Variants in RPS3A observed in about 807,000 individuals in gnomAD.
The protein encoded by RPS3A is ribosomal protein S3A.
In RPS3A, 1 loss-of-function variant was observed where a neutral mutation model predicts 26.4. The observed-to-expected ratio is 0.04, with a 90% CI of 0.01 to 0.18. RPS3A has a LOEUF of 0.18. Ranked by LOEUF, RPS3A falls within the 10% of genes least tolerant of loss-of-function variation. The pLI, the probability that RPS3A is intolerant of heterozygous loss-of-function variation, is 1.00. For synonymous variants in RPS3A, 97 were observed against 106.1 expected, an observed-to-expected ratio of 0.91 and a Z score of 0.53; for missense variants, 139 against 326.8, an observed-to-expected ratio of 0.43 and a Z score of 4.43.
chr4:151,099,770 G>T, intron 1 of RPS3A, 56 bp downstream of exon 1: 1 of 1,547,480 alleles, frequency 6.5e-7, no homozygotes, highest in Non-Finnish European at 8.8e-7. Flanking sequence ...GAATCGGCGG[G>T]CTGGTCCTAG....
chr4:151,104,164 T>TA lies in RPS3A; in HGVS notation c.564-12dup. On this transcript the variant is annotated splice_polypyrimidine_tract_variant and intron_variant, in intron 4 of 5. Coordinates refer to ENST00000274065, the MANE Select transcript of RPS3A (RefSeq NM_001006.5). ...GGACTTTTAGAAAAAAATTTACTGTTACTGGTTTGCAGGATTCCAGACAGC... is the reference window on the plus strand; with the variant it reads ...GGACTTTTAGAAAAAAATTTACTGTTAACTGGTTTGCAGGATTCCAGACAGC... 6.3e-7 allele frequency: 1 copy of TA among 1,596,450 alleles called. No homozygotes were observed. Among genetic ancestry groups the TA allele is most frequent in the Non-Finnish European group, 8.5e-7 (1 of 1,175,890 alleles).
At position 151,104,368 on chromosome 4, in the gene RPS3A, C is replaced by T. The variant is rs72965633; in HGVS notation, c.673+82C>T. 5,956 of 1,510,738 alleles carry T rather than the reference C, an allele frequency of 3.9e-3. 136 individuals are homozygous for T. In the African/African-American group the frequency reaches 0.057, roughly 15 times the overall value. The allele number at this position is 1,510,738 out of a possible 1,614,324, so 93.6% of individuals were successfully genotyped here. On this transcript the variant is annotated intron_variant, in intron 5 of 5. Transcript: ENST00000274065. The stretch of plus-strand genomic sequence containing the variant: ...GAGGAGTGTGGGGCCATATCATGGC[C>T]TTCTTTTTCTTCCTGTCATGCTTGC...
chr4:151,100,686 TA>T, intron 2 of RPS3A, 98 bp downstream of exon 2: 1 of 756,300 alleles, frequency 1.3e-6, no homozygotes, highest in South Asian at 1.6e-5. Context: ...TGGGAGACTT[TA>T]AGGAAATGTC....
At chr4:151,101,428 G>T (rs1169203272) in intron 3 of RPS3A, among the ~76,000 whole-genome samples, 1 of 152,148 alleles carries the variant, frequency 6.6e-6, no homozygotes, top group African/African-American at 2.4e-5. Flanking sequence ...TAGATTAGTG[G>T]TTTTTTGAGG....
chr4:151,102,638 AAGG>A (rs578129638), intron 3 of RPS3A: 23 of 508,736 alleles, frequency 4.5e-5, no homozygotes, highest in African/African-American at 7.7e-5. Flanking sequence ...GGAGGGTAGA[AAGG>A]AGGAGGGAGG....
intron 4 of RPS3A, 197 bp downstream of exon 4, chr4:151,103,276 G>A (rs1034155888): frequency 8.9e-5 from 98 of 1,098,202 alleles, no homozygotes; most frequent in Non-Finnish European, 1.1e-4. Context: ...TTGAGTCAGA[G>A]TCTTGCTCTG....
At chr4:151,103,641 C>T (rs1747228581) in intron 4 of RPS3A, 1 of 1,072,216 alleles carries the variant, frequency 9.3e-7, no homozygotes, top group Admixed American at 4.4e-5. Flanking sequence ...GTGGGATGTG[C>T]CTGGAGTCCC....
Position 151,102,938 on chromosome 4 carries a change from G to C in RPS3A, c.422G>C (p.Gly141Ala). ...TACTTGCTTCGTCTGTTCTGTGTTGGTTTTACTAAAAAACGCAACAATCAG... is the reference window on the plus strand; with the variant it reads ...TACTTGCTTCGTCTGTTCTGTGTTGCTTTTACTAAAAAACGCAACAATCAG... ...DGYLLRLFCV[G>A]FTKKRNNQIR... The change falls in exon 4 of 6, where the codon GGT becomes GCT. Residue 141 changes from glycine to alanine, a missense_variant. Gly to Ala is a moderately conservative substitution (Grantham distance 60). Transcript: ENST00000274065. The C allele has an allele frequency of 6.2e-7, 1 of 1,611,502 alleles. No homozygotes were observed. The highest frequency in any genetic ancestry group is 8.5e-7 in the Non-Finnish European group (1 of 1,178,988).
At chr4:151,103,305 A>G in intron 4 of RPS3A, 6 of 856,700 alleles carry the variant, frequency 7.0e-6, no homozygotes, top group Non-Finnish European at 9.7e-6. Context: ...GCTCGAGTGC[A>G]GTATTGTGAT....
At chr4:151,100,371 T>C (rs1747066972) in intron 1 of RPS3A, 114 bp from the exon 2 acceptor site, 7 of 639,868 alleles carry the variant, frequency 1.1e-5, no homozygotes, top group South Asian at 1.9e-5. Context: ...AGATATACTT[T>C]GGTATCAAAT....
chr4:151,100,882 T>G, intron 2 of RPS3A, 93 bp from the exon 3 acceptor site: 1 of 853,294 alleles, frequency 1.2e-6, no homozygotes, highest in Non-Finnish European at 1.8e-6. Flanking sequence ...TCTTTATAAT[T>G]TACCATTAAC....
intron 1 of RPS3A, chr4:151,100,074 C>G: frequency 1.8e-6 from 1 of 542,378 alleles, no homozygotes; most frequent in South Asian, 1.5e-5. Flanking sequence ...ACCCGTCAAT[C>G]TCGCCTTTGC....
intron 1 of RPS3A, 176 bp downstream of exon 1, chr4:151,099,890 C>T: frequency 1.6e-6 from 1 of 612,380 alleles, no homozygotes; most frequent in South Asian, 1.5e-5. Context: ...AGCGGCAGGT[C>T]GGCTGCCTTT....
intron 1 of RPS3A, chr4:151,100,083 G>A (rs1417086773): frequency 1.1e-5 from 6 of 532,534 alleles, no homozygotes; most frequent in African/African-American, 3.8e-5. Context: ...TCTCGCCTTT[G>A]CTTGGTCCCG....
At position 151,104,158 on chromosome 4, in the gene RPS3A, T is replaced by G. The variant is rs954988780; in HGVS notation, c.564-19T>G. On this transcript the variant is annotated intron_variant, in intron 4 of 5. Transcript: ENST00000274065. ...GAACTAGGACTTTTAGAAAAAAATTTACTGTTACTGGTTTGCAGGATTCCA... is the reference window on the plus strand; with the variant it reads ...GAACTAGGACTTTTAGAAAAAAATTGACTGTTACTGGTTTGCAGGATTCCA... 1.3e-6 allele frequency: 2 copies of G among 1,588,830 alleles called. No homozygotes were observed. Among genetic ancestry groups the G allele is most frequent in the Non-Finnish European group, 1.7e-6 (2 of 1,173,748 alleles).
intron 3 of RPS3A, among the ~76,000 whole-genome samples, chr4:151,101,402 A>C (rs1216512780): frequency 3.9e-5 from 6 of 152,198 alleles, no homozygotes; most frequent in Admixed American, 3.9e-4. Flanking sequence ...CATCAAAGTC[A>C]GATTTTCTTG....
At chr4:151,103,327 C>G (rs1272177691) in intron 4 of RPS3A, 1 of 652,182 alleles carries the variant, frequency 1.5e-6, no homozygotes, top group South Asian at 2.6e-5. Context: ...CTCCTTGGCT[C>G]ACTGTAACCA....
rs1323179855 is a variant in RPS3A, at chr4:151,103,259, T to C, written c.563+180T>C. The stretch of plus-strand genomic sequence containing the variant: ...TCAGTAAATATGATTATTATTACTA[T>C]TATTATTTGAGTCAGAGTCTTGCTC... On this transcript the variant is annotated intron_variant, in intron 4 of 5. Coordinates refer to ENST00000274065, the MANE Select transcript of RPS3A (RefSeq NM_001006.5). The C allele has an allele frequency of 4.2e-6, 5 of 1,192,146 alleles. No homozygotes were observed. The East Asian group carries it at 8.7e-5, about 21-fold the overall frequency. 73.8% of individuals were successfully genotyped at this position (1,192,146 alleles called of 1,614,324 possible).
chr4:151,103,356 C>A (rs975124802), intron 4 of RPS3A: 3 of 589,234 alleles, frequency 5.1e-6, no homozygotes, highest in Non-Finnish European at 7.1e-6. Flanking sequence ...TGGGTTCAAG[C>A]AGTTCTTGAG....
Sources: allele counts gnomAD v4.1 joint callset (sites outside exome capture counted in the v4.1 genomes callset), GRCh38; gene constraint gnomAD v4.1.1; transcripts MANE v1.5; gene names NCBI Gene and HGNC (gene_info 2026-07-23, HGNC 2026-07-21).